Variants in DENND1A observed in about 807,000 individuals in gnomAD.
The protein encoded by DENND1A is DENN domain-containing protein 1A.
A neutral mutation model predicts 113.7 loss-of-function variants in DENND1A; 51 were observed. The observed-to-expected ratio is 0.45, with a 90% CI of 0.36 to 0.57. The LOEUF (loss-of-function observed/expected upper bound fraction) is 0.57. DENND1A is among the 20% of genes least tolerant of loss of function. The pLI is 0.00. For synonymous variants in DENND1A, 565 were observed against 570.8 expected, an observed-to-expected ratio of 0.99 and a Z score of 0.14; for missense variants, 1,258 against 1,395.9, an observed-to-expected ratio of 0.90 and a Z score of 1.57.
At chr9:123,650,944 G>T (rs1030579223) in intron 9 of DENND1A, among the ~76,000 whole-genome samples, 1 of 149,546 alleles carries the variant, frequency 6.7e-6, no homozygotes, top group Non-Finnish European at 1.5e-5. Context: ...TGGATTAATG[G>T]ATGCTATGGA....
At chr9:123,758,993 G>A (rs1334775023) in intron 4 of DENND1A, among the ~76,000 whole-genome samples, 1 of 152,018 alleles carries the variant, frequency 6.6e-6, no homozygotes, top group East Asian at 1.9e-4. Flanking sequence ...AGTAGAGACG[G>A]GGTTTCTCCA....
intron 13 of DENND1A, among the ~76,000 whole-genome samples, chr9:123,546,015 G>A (rs1007072658): frequency 6.6e-6 from 1 of 152,044 alleles, no homozygotes; most frequent in Non-Finnish European, 1.5e-5. Context: ...AAACTGCCGT[G>A]GTGGCTTCAG....
intron 21 of DENND1A, among the ~76,000 whole-genome samples, chr9:123,397,248 G>A (rs2043181787): frequency 6.6e-6 from 1 of 152,086 alleles, no homozygotes; most frequent in African/African-American, 2.4e-5. Context: ...TCTGCCTCCT[G>A]GGTTCAAATG....
chr9:123,544,522 G>C (rs1160689083), intron 13 of DENND1A, among the ~76,000 whole-genome samples: 1 of 152,194 alleles, frequency 6.6e-6, no homozygotes, highest in Non-Finnish European at 1.5e-5. Flanking sequence ...CCATTGTGGA[G>C]TGCAGTCAGA....
intron 1 of DENND1A, among the ~76,000 whole-genome samples, chr9:123,910,842 T>C (rs1853824644): frequency 6.6e-6 from 1 of 152,100 alleles, no homozygotes; most frequent in African/African-American, 2.4e-5. Context: ...CAGTAGGAGG[T>C]TGAGGCATAA....
chr9:123,792,226 T>G (rs765318040), intron 3 of DENND1A, among the ~76,000 whole-genome samples: 10 of 152,230 alleles, frequency 6.6e-5, no homozygotes, highest in Non-Finnish European at 1.2e-4. Flanking sequence ...TCCCTCTTTT[T>G]TGTTACACTG....
intron 4 of DENND1A, 95 bp from the exon 5 acceptor site, chr9:123,757,917 CCT>C (rs1211488853): frequency 3.4e-6 from 5 of 1,456,948 alleles, no homozygotes; most frequent in Non-Finnish European, 4.6e-6. Flanking sequence ...TATAACATTT[CCT>C]CTCTCAGTGG....
At chr9:123,811,239 C>T (rs182406919) in intron 2 of DENND1A, among the ~76,000 whole-genome samples, 20 of 152,240 alleles carry the variant, frequency 1.3e-4, no homozygotes, top group Admixed American at 1.2e-3. Flanking sequence ...AATAGGTGCT[C>T]AAGTTTTATA....
chr9:123,844,755 T>C (rs1842345991), intron 2 of DENND1A, among the ~76,000 whole-genome samples: 1 of 152,176 alleles, frequency 6.6e-6, no homozygotes, highest in Non-Finnish European at 1.5e-5. Flanking sequence ...GGACCCAGAA[T>C]AGTCAAACAA....
At chr9:123,817,517 C>A (rs1338339815) in intron 2 of DENND1A, among the ~76,000 whole-genome samples, 1 of 152,074 alleles carries the variant, frequency 6.6e-6, no homozygotes, top group Non-Finnish European at 1.5e-5. Context: ...AAGATAATAA[C>A]CTTAATGAGC....
chr9:123,580,922 G>C (rs996075728), intron 12 of DENND1A, among the ~76,000 whole-genome samples: 1 of 152,166 alleles, frequency 6.6e-6, no homozygotes. Flanking sequence ...AATCTCAGCT[G>C]TGCCCCTAAT....
At chr9:123,858,331 GA>G (rs564508520) in intron 2 of DENND1A, among the ~76,000 whole-genome samples, 6 of 152,142 alleles carry the variant, frequency 3.9e-5, no homozygotes, top group Non-Finnish European at 7.4e-5. Context: ...TTGTGCAGAA[GA>G]AAAAATTATT....
intron 13 of DENND1A, among the ~76,000 whole-genome samples, chr9:123,526,577 G>A (rs535441968): frequency 6.2e-4 from 95 of 152,214 alleles, no homozygotes; most frequent in Non-Finnish European, 7.2e-4. Context: ...CCGCCACCTC[G>A]ACATTGAAAC....
chr9:123,910,345 G>A (rs1461728172), intron 1 of DENND1A, among the ~76,000 whole-genome samples: 1 of 152,200 alleles, frequency 6.6e-6, no homozygotes, highest in Non-Finnish European at 1.5e-5. Flanking sequence ...CAAGAAAGAT[G>A]CCATTGAAAT....
chr9:123,819,789 C>T (rs1838167366), intron 2 of DENND1A, among the ~76,000 whole-genome samples: 1 of 152,098 alleles, frequency 6.6e-6, no homozygotes, highest in African/African-American at 2.4e-5. Flanking sequence ...CAGCCAGCCT[C>T]GGATCCTAGA....
chr9:123,729,694 T>G (rs1299637796), intron 5 of DENND1A, among the ~76,000 whole-genome samples: 1 of 152,216 alleles, frequency 6.6e-6, no homozygotes, highest in African/African-American at 2.4e-5. Context: ...CAGAGTAATG[T>G]ATAGATTTAA....
At chr9:123,506,345 T>A (rs570306988) in intron 13 of DENND1A, among the ~76,000 whole-genome samples, 120 of 152,134 alleles carry the variant, frequency 7.9e-4, no homozygotes, top group African/African-American at 2.7e-3. Context: ...GAACTTTGGG[T>A]GGCCGAAGTG....
intron 10 of DENND1A, among the ~76,000 whole-genome samples, chr9:123,626,953 A>G (rs1346216555): frequency 1.3e-5 from 2 of 152,206 alleles, no homozygotes; most frequent in Non-Finnish European, 2.9e-5. Context: ...GGAGAGGAAG[A>G]GGCAGACAGG....
At chr9:123,632,949 C>T (rs969392257) in intron 9 of DENND1A, among the ~76,000 whole-genome samples, 1 of 151,956 alleles carries the variant, frequency 6.6e-6, no homozygotes, top group African/African-American at 2.4e-5. Context: ...ACTCTGTCAC[C>T]CAGGCTGGAG....
Sources: allele counts gnomAD v4.1 joint callset (sites outside exome capture counted in the v4.1 genomes callset), GRCh38; gene constraint gnomAD v4.1.1; transcripts MANE v1.5; gene names NCBI Gene and HGNC (gene_info 2026-07-23, HGNC 2026-07-21).